AXIN1: variants seen among roughly 807,000 people sequenced by gnomAD.
AXIN1 encodes axin 1, also known as axin-1.
A neutral mutation model predicts 76.4 loss-of-function variants in AXIN1; 30 were observed. The observed-to-expected ratio is 0.39, with a 90% confidence interval of 0.29 to 0.53. The LOEUF (loss-of-function observed/expected upper bound fraction) is 0.53. AXIN1 is among the 20% of genes least tolerant of loss of function. The probability of loss-of-function intolerance (pLI) is 0.66; values close to 1 mark genes in which losing one functional copy is unlikely to be tolerated. For synonymous variants in AXIN1, 545 were observed against 501.4 expected (o/e 1.09, Z -1.16); for missense variants, 1,140 against 1,198.8 (o/e 0.95, Z 0.72).
rs2141547612 is a variant in AXIN1 at position 304,452 on chromosome 16, C to G, written c.1117-11G>C. Reference sequence around the variant, plus strand: ...CACCCGGTACGTGCGCTGCGAGGGACAGGACTGTGAGGCACGGGGGTTGAA... The same window carrying G: ...CACCCGGTACGTGCGCTGCGAGGGAGAGGACTGTGAGGCACGGGGGTTGAA... On this transcript the variant is annotated splice_polypyrimidine_tract_variant and intron_variant, in intron 4 of 10. Coordinates refer to ENST00000262320, the MANE Select transcript of AXIN1 (RefSeq NM_003502.4). The G allele has an allele frequency of 6.2e-7, 1 of 1,612,672 alleles. No homozygotes were observed. The highest frequency in any genetic ancestry group is 8.5e-7 in the Non-Finnish European group (1 of 1,179,956).
chr16:294,118 G>A (rs544643284), intron 7 of AXIN1, among the ~76,000 whole-genome samples: 3 of 152,178 alleles, frequency 2.0e-5, no homozygotes, highest in East Asian at 3.9e-4. Flanking sequence ...CCGGGATCAC[G>A]CCACCGCACT....
chr16:331,215 A>C (rs887473459), intron 2 of AXIN1, among the ~76,000 whole-genome samples: 3 of 151,350 alleles, frequency 2.0e-5, no homozygotes, highest in Non-Finnish European at 4.4e-5. Flanking sequence ...GACACTTATC[A>C]ATCTAGTTAA....
At chr16:299,164 G>A (rs1387363117) in intron 5 of AXIN1, 1 of 985,320 alleles carries the variant, frequency 1.0e-6, no homozygotes, top group Admixed American at 6.1e-5. Context: ...AGCCGGTGGA[G>A]TTTCACTTGA....
intron 2 of AXIN1, among the ~76,000 whole-genome samples, chr16:324,543 G>A (rs527665879): frequency 6.6e-6 from 1 of 152,336 alleles, no homozygotes; most frequent in African/African-American, 2.4e-5. Flanking sequence ...ACAGAAGCTT[G>A]ACAAACACAA....
intron 2 of AXIN1, among the ~76,000 whole-genome samples, chr16:323,938 G>A (rs1212880860): frequency 6.6e-6 from 1 of 152,208 alleles, no homozygotes; most frequent in South Asian, 2.1e-4. Flanking sequence ...ATACGGCACA[G>A]AATGAGCAAC....
At chr16:289,675 C>T (rs1450856232) in intron 9 of AXIN1, 68 bp from the exon 10 acceptor site, 15 of 1,588,208 alleles carry the variant, frequency 9.4e-6, no homozygotes, top group Non-Finnish European at 1.2e-5. Context: ...CTCCTGCTGG[C>T]CTCAGGCTGC....
chr16:349,882 T>A (rs1223626905), intron 1 of AXIN1, among the ~76,000 whole-genome samples: 1 of 152,202 alleles, frequency 6.6e-6, no homozygotes, highest in Non-Finnish European at 1.5e-5. Flanking sequence ...CACTGCAGCC[T>A]CAGCTTCCCA....
At chr16:311,482 T>C (rs2053176695) in intron 3 of AXIN1, among the ~76,000 whole-genome samples, 1 of 151,978 alleles carries the variant, frequency 6.6e-6, no homozygotes, top group African/African-American at 2.4e-5. Context: ...TTAGAAAAGC[T>C]GCCTTCGGGC....
In AXIN1 at chr16:287,526, A is replaced by G; in HGVS notation, c.*596T>C. 3.2e-6 allele frequency: 1 copy of G among 311,774 alleles called. No individual in the cohort carries two copies. Among genetic ancestry groups the G allele is most frequent in the East Asian group, 4.9e-5 (1 of 20,324 alleles). The allele number at this position is 311,774 out of a possible 1,614,324, so 19.3% of individuals were successfully genotyped here. ...GTACAAGTGTCATCGCATGAAAAAC[A>G]GACTCGGGCAGCCCCTGCTGGCCTA... On this transcript the variant is annotated 3_prime_UTR_variant, in exon 11 of 11. Transcript: ENST00000262320.
At chr16:329,887 C>T (rs946878125) in intron 2 of AXIN1, among the ~76,000 whole-genome samples, 3 of 151,914 alleles carry the variant, frequency 2.0e-5, no homozygotes, top group African/African-American at 7.3e-5. Flanking sequence ...CCCGCCTCAG[C>T]CTCCCAGAGT....
intron 2 of AXIN1, among the ~76,000 whole-genome samples, chr16:331,992 G>T (rs1301481328): frequency 1.3e-5 from 2 of 152,188 alleles, no homozygotes; most frequent in African/African-American, 4.8e-5. Flanking sequence ...CAGATGGGAA[G>T]TTACTTAATC....
At chr16:290,030 A>G in intron 9 of AXIN1, 1 of 271,996 alleles carries the variant, frequency 3.7e-6, no homozygotes, top group Non-Finnish European at 7.2e-6. Context: ...CTGACCCCGC[A>G]GCGAAGTTTG....
intron 4 of AXIN1, 75 bp from the exon 5 acceptor site, chr16:304,516 C>G (rs1004519333): frequency 5.6e-6 from 9 of 1,596,808 alleles, no homozygotes; most frequent in Non-Finnish European, 6.9e-6. Flanking sequence ...AGGGAAAGAG[C>G]GTGTGCTATC....
chr16:308,082 C>T (rs879271156), intron 4 of AXIN1, among the ~76,000 whole-genome samples: 6 of 152,222 alleles, frequency 3.9e-5, no homozygotes, highest in African/African-American at 9.6e-5. Flanking sequence ...ACGCACACTG[C>T]GGCCCCCACC....
At chr16:291,394 G>T in intron 8 of AXIN1, 97 bp from the exon 9 acceptor site, 2 of 1,078,602 alleles carry the variant, frequency 1.9e-6, no homozygotes, top group Non-Finnish European at 2.7e-6. Context: ...CGGACGGAGC[G>T]TGAAGGGCCC....
rs995990076 is a variant in AXIN1, at chr16:352,572, G to A, written c.-285C>T. On this transcript the variant is annotated 5_prime_UTR_variant, in exon 1 of 11. Transcript: ENST00000262320. ...GGGCGCCGCAGGGGCCCAGCCGCCA[G>A]CTCCCACCCGCCCGCTCCGCGTGGA... is the stretch of plus-strand genomic sequence containing the variant. 5 of 211,800 alleles carry A rather than the reference G, an allele frequency of 2.4e-5. No individual in the cohort carries two copies. The highest frequency in any genetic ancestry group is 4.0e-5 in the Non-Finnish European group (5 of 125,340). 13.1% of individuals were successfully genotyped at this position (211,800 alleles called of 1,614,324 possible). A position where few individuals can be genotyped will look rare whatever the true frequency, so the allele number is the denominator to read the frequency against.
At chr16:340,005 C>T (rs1409436110) in intron 2 of AXIN1, among the ~76,000 whole-genome samples, 1 of 152,188 alleles carries the variant, frequency 6.6e-6, no homozygotes, top group East Asian at 1.9e-4. Flanking sequence ...ACAGACAACT[C>T]TGTACACATT....
Position 288,184 on chromosome 16 carries a change from C to T in AXIN1, c.2527G>A (p.Asp843Asn), listed in dbSNP as rs1431827864. 2.5e-6 allele frequency: 4 copies of T among 1,613,596 alleles called. No homozygotes were observed. Among genetic ancestry groups the T allele is most frequent in the Non-Finnish European group, 3.4e-6 (4 of 1,180,028 alleles). Residue 843 changes from aspartate (D) to asparagine (N), a missense_variant, in exon 11 of 11, where the codon GAC (aspartate) becomes AAC (asparagine). By Grantham distance (23) the Asp-to-Asn change is conservative (BLOSUM62 1). Transcript: ENST00000262320. ...CGVVFEEVREDEAVLPVFEEK... is the reference protein window; with the variant it reads ...CGVVFEEVRENEAVLPVFEEK... ...TCAAAGACGGGCAGGACGGCCTCGT[C>T]CTCTCGAACCTCCTCAAACACCACC...
At chr16:299,719 G>A (rs576002128) in intron 5 of AXIN1, among the ~76,000 whole-genome samples, 5 of 151,692 alleles carry the variant, frequency 3.3e-5, no homozygotes, top group African/African-American at 9.7e-5. Flanking sequence ...GCAGTGGCAC[G>A]ATCTCGGCTC....
Sources: allele counts gnomAD v4.1 joint callset (sites outside exome capture counted in the v4.1 genomes callset), GRCh38; gene constraint gnomAD v4.1.1; transcripts MANE v1.5; gene names NCBI Gene and HGNC (gene_info 2026-07-23, HGNC 2026-07-21).